Variants in NRXN3 observed in about 807,000 individuals in gnomAD.
NRXN3 encodes neurexin 3, also known as neurexin III.
NRXN3 carries 32 observed loss-of-function variants against 137.6 expected under a neutral mutation model. The ratio of observed to expected loss-of-function variants is 0.23; its 90% CI spans 0.18 to 0.31. The LOEUF (loss-of-function observed/expected upper bound fraction) is 0.31. Ranked by LOEUF, NRXN3 falls within the 10% of genes least tolerant of loss-of-function variation. The pLI is 1.00. For missense variants in NRXN3, 1,574 were observed against 2,062.5 expected (o/e 0.76, Z 4.59); for synonymous variants, 798 against 784.5 (o/e 1.02, Z -0.29).
chr14:79,792,882 G>C (rs2099149616), intron 19 of NRXN3, among the ~76,000 whole-genome samples: 1 of 152,094 alleles, frequency 6.6e-6, no homozygotes, highest in African/African-American at 2.4e-5. Flanking sequence ...AAAAGGTGTT[G>C]TAATTTTTTT....
chr14:78,948,294 G>C (rs559967495), intron 10 of NRXN3, among the ~76,000 whole-genome samples: 1 of 152,196 alleles, frequency 6.6e-6, no homozygotes, highest in African/African-American at 2.4e-5. Flanking sequence ...AACATAGGAG[G>C]TTGGAGTATT....
intron 20 of NRXN3, among the ~76,000 whole-genome samples, chr14:79,825,427 A>G (rs1603616963): frequency 6.6e-6 from 1 of 152,154 alleles, no homozygotes; most frequent in African/African-American, 2.4e-5. Flanking sequence ...AGAGTTAATG[A>G]GTAGCCACGT....
chr14:79,775,645 A>G (rs1239246948), intron 19 of NRXN3, among the ~76,000 whole-genome samples: 1 of 151,784 alleles, frequency 6.6e-6, no homozygotes, highest in Admixed American at 6.6e-5. Context: ...AGAGTTCTAG[A>G]TGCCCATTTT....
Position 78,709,468 on chromosome 14 carries a change from C to T in NRXN3, c.1473C>T (p.Pro491=). Reference sequence around the variant, plus strand: ...TGATCCTCTTCACTCATGGAAAGCCCCAAGAGAGGAAGGATGCTCGGAGCC... The same window carrying T: ...TGATCCTCTTCACTCATGGAAAGCCTCAAGAGAGGAAGGATGCTCGGAGCC... ...NGLILFTHGK[P]QERKDARSQK... Residue 491 remains proline (P), a synonymous_variant, in exon 7 of 21, where the codon CCC becomes CCT. Transcript: ENST00000335750. 1.9e-6 allele frequency: 3 copies of T among 1,614,084 alleles called. No homozygotes were observed. Among genetic ancestry groups the T allele is most frequent in the Non-Finnish European group, 2.5e-6 (3 of 1,180,010 alleles).
intron 15 of NRXN3, among the ~76,000 whole-genome samples, chr14:79,292,196 A>G (rs2083314471): frequency 6.6e-6 from 1 of 152,224 alleles, no homozygotes. Flanking sequence ...ATTCTATTAC[A>G]TTATAGGAGA....
At chr14:78,786,360 T>C (rs2098789298) in intron 8 of NRXN3, among the ~76,000 whole-genome samples, 1 of 152,194 alleles carries the variant, frequency 6.6e-6, no homozygotes, top group South Asian at 2.1e-4. Flanking sequence ...CCCTGATACA[T>C]TATATAGCAT....
At chr14:78,512,271 C>G (rs1466283282) in intron 4 of NRXN3, among the ~76,000 whole-genome samples, 1 of 152,158 alleles carries the variant, frequency 6.6e-6, no homozygotes, top group East Asian at 1.9e-4. Context: ...ACCAGCCAGC[C>G]TACTCACAGA....
At chr14:79,033,695 A>G (rs2152500499) in intron 15 of NRXN3, among the ~76,000 whole-genome samples, 1 of 152,250 alleles carries the variant, frequency 6.6e-6, no homozygotes, top group Middle Eastern at 3.4e-3. Context: ...ACTCAATTAT[A>G]GTGCCCTAAA....
intron 4 of NRXN3, among the ~76,000 whole-genome samples, chr14:78,484,019 CACACACACAGAGAG>C (rs2095518720): frequency 2.1e-5 from 2 of 93,094 alleles, no homozygotes; most frequent in African/African-American, 4.1e-5. Flanking sequence ...CACACACACA[CACACACACAGAGAG>C]AGAGAGAGAG....
intron 15 of NRXN3, among the ~76,000 whole-genome samples, chr14:79,105,979 G>T (rs951843335): frequency 6.6e-6 from 1 of 151,832 alleles, no homozygotes; most frequent in African/African-American, 2.4e-5. Context: ...TAAACCTCCC[G>T]AAGACAGAGG....
chr14:79,426,815 A>T (rs1444746948), intron 15 of NRXN3, among the ~76,000 whole-genome samples: 1 of 152,156 alleles, frequency 6.6e-6, no homozygotes, highest in Non-Finnish European at 1.5e-5. Context: ...ACGACATTGG[A>T]ATAATTTCCC....
chr14:79,178,424 C>G (rs1004748455), intron 15 of NRXN3, among the ~76,000 whole-genome samples: 1 of 152,076 alleles, frequency 6.6e-6, no homozygotes, highest in Non-Finnish European at 1.5e-5. Context: ...ATTATATTCA[C>G]TCTGTTATTG....
chr14:79,410,057 GT>G (rs543903695), intron 15 of NRXN3, among the ~76,000 whole-genome samples: 1 of 149,712 alleles, frequency 6.7e-6, no homozygotes, highest in Non-Finnish European at 1.5e-5. Context: ...TCTAGTTAAG[GT>G]TTTTTTTTGG....
At position 78,462,490 on chromosome 14, in the gene NRXN3, A is replaced by G. The variant is rs80139796; in HGVS notation, c.757+164630A>G. Among the ~76,000 whole-genome samples the G allele has an allele frequency of 1.6e-3, 246 of 152,278 alleles. 2 individuals are homozygous for G. In the Middle Eastern group the frequency reaches 0.024, roughly 15 times the overall value. On this transcript the variant is annotated intron_variant, in intron 4 of 20. Transcript: ENST00000335750. ...GTACTATGAACTGACATAAACTGCAATGAGGAAAGACCTTCTCTCTTCCCC... is the reference window on the plus strand; with the variant it reads ...GTACTATGAACTGACATAAACTGCAGTGAGGAAAGACCTTCTCTCTTCCCC...
At chr14:79,792,690 T>G (rs948980638) in intron 19 of NRXN3, among the ~76,000 whole-genome samples, 6 of 152,190 alleles carry the variant, frequency 3.9e-5, no homozygotes, top group South Asian at 2.1e-4. Context: ...AGTTTGTGCT[T>G]ATTGACTTTC....
chr14:79,176,296 A>C (rs2062336440), intron 15 of NRXN3, among the ~76,000 whole-genome samples: 1 of 152,260 alleles, frequency 6.6e-6, no homozygotes, highest in Admixed American at 6.5e-5. Flanking sequence ...TAGGAATCAG[A>C]AAGAGGCACT....
rs76071071 is a variant in NRXN3 at position 79,666,994 on chromosome 14, G to A, written c.3616+3045G>A. Among the ~76,000 whole-genome samples, 1,360 of 151,568 alleles carry A rather than the reference G, an allele frequency of 9.0e-3. 19 individuals carry two copies. Among genetic ancestry groups the A allele is most frequent in the African/African-American group, 0.031 (1,295 of 41,344 alleles). On this transcript the variant is annotated intron_variant, in intron 17 of 20. Transcript: ENST00000335750. ...CACTCTGCCAAGACTTCCTAGGAGC[G>A]GTTCACTTTTTGAGCCTTGGATACC...
chr14:78,549,928 T>A (rs2096670301), intron 4 of NRXN3, among the ~76,000 whole-genome samples: 1 of 152,120 alleles, frequency 6.6e-6, no homozygotes, highest in Non-Finnish European at 1.5e-5. Context: ...TACTTTATCA[T>A]CATTACTATC....
intron 6 of NRXN3, among the ~76,000 whole-genome samples, chr14:78,685,118 G>A (rs1436891366): frequency 6.6e-6 from 1 of 152,152 alleles, no homozygotes; most frequent in Non-Finnish European, 1.5e-5. Flanking sequence ...GACCACAGAG[G>A]AGGAGCCATT....
Sources: gnomAD v4.1 joint callset for allele counts (sites outside exome capture counted in the v4.1 genomes callset) on GRCh38, gnomAD v4.1.1 for gene constraint, MANE v1.5 for transcripts, NCBI Gene and HGNC (gene_info 2026-07-23, HGNC 2026-07-21) for gene names.